The following CTDP1 variants were observed in gnomAD, a reference collection of about 807,000 sequenced individuals.
The protein encoded by CTDP1 is RNA polymerase II subunit A C-terminal domain phosphatase.
In CTDP1, 47 loss-of-function variants were observed where a neutral mutation model predicts 91.8. That is an observed-to-expected ratio of 0.51 (90% CI 0.41 to 0.65). CTDP1 has a LOEUF of 0.65. Among genes scored for constraint, CTDP1 ranks in the 30% least tolerant of loss-of-function variants. The pLI, the probability that CTDP1 is intolerant of heterozygous loss-of-function variation, is 0.00. For missense variants in CTDP1, 1,272 were observed against 1,373.7 expected, an observed-to-expected ratio of 0.93 and a Z score of 1.17; for synonymous variants, 656 against 598.5, an observed-to-expected ratio of 1.10 and a Z score of -1.40.
chr18:79,681,308 G>A (rs1311976563), intron 1 of CTDP1: 1 of 218,354 alleles, frequency 4.6e-6, no homozygotes, highest in Non-Finnish European at 7.8e-6. Flanking sequence ...CTGCGTGCTG[G>A]TGGGTGGGGC....
intron 12 of CTDP1, among the ~76,000 whole-genome samples, chr18:79,739,244 C>T (rs1039417750): frequency 6.6e-6 from 1 of 152,160 alleles, no homozygotes; most frequent in Non-Finnish European, 1.5e-5. Context: ...TCCACTAAGA[C>T]CAGTCAGGGT....
chr18:79,730,472 A>T (rs2086543087), intron 11 of CTDP1, among the ~76,000 whole-genome samples: 1 of 31,532 alleles, frequency 3.2e-5, no homozygotes, highest in South Asian at 1.0e-3. Flanking sequence ...TTAATGGTTG[A>T]ATTCTCAATG....
intron 1 of CTDP1, among the ~76,000 whole-genome samples, chr18:79,690,704 A>G (rs2085602572): frequency 6.6e-6 from 1 of 152,186 alleles, no homozygotes; most frequent in Non-Finnish European, 1.5e-5. Context: ...TCTGAGCCAG[A>G]TGGCCTGGCT....
At position 79,753,963 on chromosome 18, in the gene CTDP1, T is replaced by G; in HGVS notation, c.*173T>G. The G allele has an allele frequency of 1.1e-6, 1 of 894,536 alleles. No individual in the cohort carries two copies. The highest frequency in any genetic ancestry group is 1.7e-6 in the Non-Finnish European group (1 of 594,278). 55.4% of individuals were successfully genotyped at this position (894,536 alleles called of 1,614,324 possible). A position where few individuals can be genotyped will look rare whatever the true frequency, so the allele number is the denominator to read the frequency against. On this transcript the variant is annotated 3_prime_UTR_variant, in exon 13 of 13. Transcript: ENST00000613122. The stretch of plus-strand genomic sequence containing the variant: ...TGCAGAAATAGGTGTTTTTAAGAAG[T>G]TTTACTACAGGAATGTCTACTTTTG...
intron 1 of CTDP1, among the ~76,000 whole-genome samples, chr18:79,687,862 G>T (rs2085537867): frequency 6.6e-6 from 1 of 152,214 alleles, no homozygotes; most frequent in South Asian, 2.1e-4. Context: ...CAGCAGAGAG[G>T]GCAGTAGGGT....
upstream of CTDP1, chr18:79,679,386 C>T: frequency 2.2e-6 from 1 of 454,880 alleles, no homozygotes. Context: ...CGCGACGTTG[C>T]GACTCACAGT....
At chr18:79,682,923 C>T (rs970974395) in intron 1 of CTDP1, 1 of 152,202 alleles carries the variant, frequency 6.6e-6, no homozygotes, top group Non-Finnish European at 1.5e-5. Flanking sequence ...GCCTCTGGGA[C>T]GTCGGTTGGT....
At chr18:79,746,371 CGTTCTGTCCGTGCGTCCCTCCCATGCGT>C in intron 12 of CTDP1, among the ~76,000 whole-genome samples, 1 of 148,672 alleles carries the variant, frequency 6.7e-6, no homozygotes, top group African/African-American at 2.6e-5. Flanking sequence ...CTCCCATGCG[CGTTCTGTCCGTGCGTCCCTCCCATGCGT>C]GTTCTGACTC....
intron 5 of CTDP1, among the ~76,000 whole-genome samples, chr18:79,705,545 G>A (rs1259509727): frequency 6.6e-6 from 1 of 151,704 alleles, no homozygotes; most frequent in Non-Finnish European, 1.5e-5. Flanking sequence ...CCACGTGGAC[G>A]AAGCAACGTC....
At chr18:79,688,464 C>G (rs554584634) in intron 1 of CTDP1, among the ~76,000 whole-genome samples, 1 of 152,306 alleles carries the variant, frequency 6.6e-6, no homozygotes, top group South Asian at 2.1e-4. Context: ...AGGGTTTCAC[C>G]ATGTTGGCCA....
chr18:79,751,717 C>T (rs1287515562), intron 12 of CTDP1, among the ~76,000 whole-genome samples: 1 of 152,102 alleles, frequency 6.6e-6, no homozygotes, highest in Non-Finnish European at 1.5e-5. Context: ...AGGTGTATCA[C>T]ATTACCGTGC....
chr18:79,736,446 C>T lies in CTDP1; in HGVS notation c.2672C>T (p.Pro891Leu), dbSNP rs1204607272. The T allele has an allele frequency of 6.5e-7, 1 of 1,549,174 alleles. No homozygotes were observed. The highest frequency in any genetic ancestry group is 2.0e-5 in the Admixed American group (1 of 51,008). The stretch of plus-strand genomic sequence containing the variant: ...GAGGAGGAGCCCCAGCCCCGGAAGC[C>T]AGGGACCCGCAGGGAGCGGACGCTC... Reference protein sequence around the residue: ...EQEEEPQPRKPGTRRERTLGA... With the variant: ...EQEEEPQPRKLGTRRERTLGA... The change falls in exon 12 of 13, where the codon CCA (proline) becomes CTA (leucine). Residue 891 changes from proline to leucine, a missense_variant. Transcript: ENST00000613122.
In CTDP1 at chr18:79,687,796, T is replaced by C. The variant is rs143261099; in HGVS notation, c.315-7429T>C. ...GGCTGGAAGCATTTGACACCATGGC[T>C]CCCTGGGGTCTGTGGAGGTTCTGAG... On this transcript the variant is annotated intron_variant, in intron 1 of 12. Transcript: ENST00000613122. Among the ~76,000 whole-genome samples, 173 of 152,356 alleles carry C rather than the reference T, an allele frequency of 1.1e-3. 1 individual carries two copies. Among genetic ancestry groups the C allele is most frequent in the African/African-American group, 4.0e-3 (167 of 41,586 alleles).
chr18:79,738,481 G>A (rs1192403873), intron 12 of CTDP1, among the ~76,000 whole-genome samples: 2 of 152,220 alleles, frequency 1.3e-5, no homozygotes, highest in African/African-American at 2.4e-5. Context: ...CCTCGGAGGA[G>A]CTGCTCCCAG....
At position 79,713,185 on chromosome 18, in the gene CTDP1, A is replaced by G; in HGVS notation, c.1030+47A>G. The G allele has an allele frequency of 1.3e-6, 2 of 1,565,846 alleles. No homozygotes were observed. Among genetic ancestry groups the G allele is most frequent in the Non-Finnish European group, 1.8e-6 (2 of 1,141,916 alleles). The stretch of plus-strand genomic sequence containing the variant: ...TCTCTAGAAGAATTCACATTTGCTT[A>G]TTGTTTAGCTCTTCTTATTTCTTAT... On this transcript the variant is annotated intron_variant, in intron 7 of 12. Transcript: ENST00000613122. The surrounding 1 kb of genome is among the most constrained non-coding windows in gnomAD (Gnocchi z 4.7).
chr18:79,735,085 G>A (rs1195472814), intron 11 of CTDP1, among the ~76,000 whole-genome samples: 17 of 152,182 alleles, frequency 1.1e-4, no homozygotes, highest in African/African-American at 3.9e-4. Context: ...ATGTGGGCTC[G>A]GGGGCTGAGC....
intron 1 of CTDP1, among the ~76,000 whole-genome samples, chr18:79,684,205 A>T (rs1288819748): frequency 1.3e-5 from 2 of 152,190 alleles, no homozygotes; most frequent in Non-Finnish European, 2.9e-5. Context: ...AGAGGTGTGG[A>T]TGTTGCTTGT....
At chr18:79,730,069 G>A (rs191028702) in intron 11 of CTDP1, among the ~76,000 whole-genome samples, 27 of 152,306 alleles carry the variant, frequency 1.8e-4, no homozygotes, top group African/African-American at 6.3e-4. Context: ...GGACAGACTC[G>A]TCTCAGTAAC....
chr18:79,717,473 G>A (rs1006074186), intron 8 of CTDP1, 62 bp from the exon 9 acceptor site: 2 of 1,604,886 alleles, frequency 1.2e-6, no homozygotes, highest in Non-Finnish European at 1.7e-6. Context: ...GGTGCAGCCG[G>A]ATGTGGGCCC....
Sources: allele counts gnomAD v4.1 joint callset (sites outside exome capture counted in the v4.1 genomes callset), GRCh38; gene constraint gnomAD v4.1.1; non-coding constraint Gnocchi (gnomAD v3.1); transcripts MANE v1.5; gene names NCBI Gene and HGNC (gene_info 2026-07-23, HGNC 2026-07-21).